The following JARID2 variants were observed in gnomAD, a reference collection of about 807,000 sequenced individuals.
JARID2 encodes protein Jumonji.
JARID2 carries 21 observed loss-of-function variants against 125.6 expected under a neutral mutation model. The observed-to-expected ratio is 0.17, with a 90% confidence interval of 0.12 to 0.24. The LOEUF (loss-of-function observed/expected upper bound fraction) is 0.24. JARID2 is among the 10% of genes least tolerant of loss of function. The pLI is 1.00. For missense variants in JARID2, 1,303 were observed against 1,639.6 expected (o/e 0.79, Z 3.55); for synonymous variants, 736 against 661.6 (o/e 1.11, Z -1.73).
intron 1 of JARID2, among the ~76,000 whole-genome samples, chr6:15,324,689 A>G (rs902336495): frequency 7.3e-6 from 1 of 136,490 alleles, no homozygotes; most frequent in Non-Finnish European, 1.6e-5. Context: ...GCCTTGCTTT[A>G]TTTTCCAGGC....
At chr6:15,446,210 C>T (rs1767665161) in intron 3 of JARID2, among the ~76,000 whole-genome samples, 1 of 152,214 alleles carries the variant, frequency 6.6e-6, no homozygotes, top group Non-Finnish European at 1.5e-5. Flanking sequence ...TCCTTTCCAG[C>T]ATCTATGGAG....
In JARID2 at chr6:15,374,141, T is replaced by A. The variant is rs1443231158; in HGVS notation, c.70T>A (p.Ser24Thr). Residue 24 changes from serine (S) to threonine (T), a missense_variant, in exon 2 of 18, where the codon TCA (serine) becomes ACA (threonine). Physicochemically the swap from Ser to Thr is moderately conservative, Grantham distance 58 (BLOSUM62 1). This residue lies in a region of JARID2 where 93 missense variants were observed against 120.4 expected (regional missense o/e 0.77). Coordinates refer to ENST00000341776, the MANE Select transcript of JARID2 (RefSeq NM_004973.4). ...KYDDSDGIPW[S>T]EERVVRKVLY... Reference sequence around the variant, plus strand: ...GGATGACAGTGATGGGATTCCGTGGTCAGAAGAACGGGTGGTACGTAAAGT... The same window carrying A: ...GGATGACAGTGATGGGATTCCGTGGACAGAAGAACGGGTGGTACGTAAAGT... 6.2e-7 allele frequency: 1 copy of A among 1,614,026 alleles called. No homozygotes were observed. Among genetic ancestry groups the A allele is most frequent in the African/African-American group, 1.3e-5 (1 of 74,936 alleles).
intron 1 of JARID2, among the ~76,000 whole-genome samples, chr6:15,259,848 A>G (rs11965232): frequency 0.15 from 22,617 of 152,158 alleles, 2,381 homozygotes; most frequent in African/African-American, 0.3. Context: ...CTGTCATTCC[A>G]GGAGCAAATA....
chr6:15,445,040 T>C (rs1349430488), intron 3 of JARID2, among the ~76,000 whole-genome samples: 1 of 152,084 alleles, frequency 6.6e-6, no homozygotes, highest in Non-Finnish European at 1.5e-5. Context: ...AGGATTTAAT[T>C]AACCTGGAAA....
intron 2 of JARID2, among the ~76,000 whole-genome samples, chr6:15,394,542 T>C (rs1430028840): frequency 6.6e-6 from 1 of 152,096 alleles, no homozygotes; most frequent in African/African-American, 2.4e-5. Context: ...GACGCTGTAG[T>C]GAACCTAGAT....
At chr6:15,346,622 G>T (rs1157204466) in intron 1 of JARID2, among the ~76,000 whole-genome samples, 1 of 152,046 alleles carries the variant, frequency 6.6e-6, no homozygotes, top group African/African-American at 2.4e-5. Context: ...TGGAGCCATC[G>T]TTTTGTCTTG....
At chr6:15,438,722 C>T (rs939542053) in intron 3 of JARID2, among the ~76,000 whole-genome samples, 2 of 152,188 alleles carry the variant, frequency 1.3e-5, no homozygotes, top group Admixed American at 6.5e-5. Flanking sequence ...ATCCTTCTAT[C>T]TGCTCCATTG....
chr6:15,344,412 A>G (rs1192875621), intron 1 of JARID2, among the ~76,000 whole-genome samples: 2 of 152,070 alleles, frequency 1.3e-5, no homozygotes. Context: ...GAAAAATGGA[A>G]TTAAAAAACG....
At chr6:15,274,676 A>G (rs1302418766) in intron 1 of JARID2, among the ~76,000 whole-genome samples, 1 of 152,084 alleles carries the variant, frequency 6.6e-6, no homozygotes, top group African/African-American at 2.4e-5. Flanking sequence ...TAGCCAGGGC[A>G]ATATTGTGTT....
At chr6:15,329,462 T>G (rs1335874359) in intron 1 of JARID2, among the ~76,000 whole-genome samples, 1 of 152,192 alleles carries the variant, frequency 6.6e-6, no homozygotes, top group Non-Finnish European at 1.5e-5. Context: ...AATTTTGCTG[T>G]TTGACTCAGG....
chr6:15,432,491 G>A (rs754577976), intron 3 of JARID2, among the ~76,000 whole-genome samples: 2 of 152,008 alleles, frequency 1.3e-5, no homozygotes, highest in Admixed American at 6.6e-5. Flanking sequence ...AGAAAAGTAC[G>A]CTCCACAGAC....
intron 2 of JARID2, among the ~76,000 whole-genome samples, chr6:15,392,188 T>A (rs1025919120): frequency 6.6e-6 from 1 of 152,130 alleles, no homozygotes; most frequent in Non-Finnish European, 1.5e-5. Context: ...CAAGCCACGT[T>A]AAGGTGGCCT....
intron 3 of JARID2, among the ~76,000 whole-genome samples, chr6:15,444,853 A>G (rs541349263): frequency 5.1e-5 from 7 of 138,588 alleles, no homozygotes; most frequent in African/African-American, 1.9e-4. Context: ...CGTTTTTAAT[A>G]TTGGAAAATT....
chr6:15,367,603 A>G (rs1000442677), intron 1 of JARID2, among the ~76,000 whole-genome samples: 1 of 152,198 alleles, frequency 6.6e-6, no homozygotes, highest in African/African-American at 2.4e-5. Context: ...TGGACTGACT[A>G]CCAATGCCAC....
At chr6:15,374,033 T>C in intron 1 of JARID2, 84 bp from the exon 2 acceptor site, 5 of 1,511,734 alleles carry the variant, frequency 3.3e-6, no homozygotes, top group Non-Finnish European at 4.5e-6. Flanking sequence ...GTTCGGAAAT[T>C]CCTTTAAAAT....
At chr6:15,515,965 C>T (rs909233624) in intron 16 of JARID2, among the ~76,000 whole-genome samples, 1 of 148,572 alleles carries the variant, frequency 6.7e-6, no homozygotes, top group Non-Finnish European at 1.5e-5. Context: ...ATCGCGCCAT[C>T]GCCCAGGTGA....
chr6:15,306,923 G>A (rs1761848265), intron 1 of JARID2, among the ~76,000 whole-genome samples: 1 of 147,642 alleles, frequency 6.8e-6, no homozygotes, highest in Non-Finnish European at 1.5e-5. Flanking sequence ...TTATATTAAT[G>A]TATATTATAT....
At chr6:15,246,686 G>A in intron 1 of JARID2, 102 bp downstream of exon 1, 3 of 1,010,782 alleles carry the variant, frequency 3.0e-6, no homozygotes, top group Non-Finnish European at 4.6e-6. Context: ...TTTAAACACA[G>A]CGTCCGATAA....
intron 5 of JARID2, 100 bp downstream of exon 5, chr6:15,468,818 C>T (rs1035596604): frequency 2.2e-5 from 26 of 1,163,690 alleles, no homozygotes; most frequent in South Asian, 3.2e-5. Context: ...AGGCAAAGCT[C>T]GTTCTGGGTA....
Sources: gnomAD v4.1 joint callset for allele counts (sites outside exome capture counted in the v4.1 genomes callset) on GRCh38, gnomAD v4.1.1 for gene constraint, gnomAD v4.1.1 regional missense constraint, MANE v1.5 for transcripts, NCBI Gene and HGNC (gene_info 2026-07-23, HGNC 2026-07-21) for gene names.